Variants in FHDC1 observed in about 807,000 individuals in gnomAD.
FHDC1 encodes the protein FH2 domain containing 1, also known as FH2 domain-containing protein 1.
Under a neutral mutation model 52.6 loss-of-function variants are expected in FHDC1, and 25 were observed. The ratio of observed to expected loss-of-function variants is 0.48; its 90% confidence interval spans 0.35 to 0.66. The LOEUF is 0.66. Among genes scored for constraint, FHDC1 ranks in the 30% least tolerant of loss-of-function variants. The pLI is 0.01. For synonymous variants in FHDC1, 616 were observed against 581.5 expected (o/e 1.06, Z -0.85); for missense variants, 1,459 against 1,452.8 (o/e 1.00, Z -0.07).
At chr4:152,931,953 A>C (rs546335259), upstream of FHDC1, among the ~76,000 whole-genome samples, 310 of 117,980 alleles carry the variant, frequency 2.6e-3, 3 homozygotes, top group Non-Finnish European at 4.5e-3. Context: ...AAAAAAAAAA[A>C]AAAAAAAAAA....
intron 8 of FHDC1, among the ~76,000 whole-genome samples, chr4:152,963,645 G>A (rs944378071): frequency 1.3e-5 from 2 of 151,976 alleles, no homozygotes; most frequent in African/African-American, 4.8e-5. Context: ...TTTCTGATGT[G>A]GAATTGACTA....
intron 4 of FHDC1, among the ~76,000 whole-genome samples, chr4:152,958,445 C>T (rs1740176357): frequency 6.6e-6 from 1 of 152,140 alleles, no homozygotes; most frequent in South Asian, 2.1e-4. Flanking sequence ...GAACTGTATA[C>T]ATGGCATTTA....
At chr4:152,953,649 C>CCAG in intron 3 of FHDC1, 89 bp downstream of exon 3, 1 of 1,086,352 alleles carries the variant, frequency 9.2e-7, no homozygotes, top group Non-Finnish European at 1.4e-6. Context: ...AATTCAAATT[C>CCAG]CTCACACCTT....
chr4:152,947,502 A>T (rs747403624), intron 2 of FHDC1, among the ~76,000 whole-genome samples: 2 of 152,140 alleles, frequency 1.3e-5, no homozygotes, highest in Non-Finnish European at 2.9e-5. Context: ...GCCCCCTGGG[A>T]GCCTTCCACC....
At chr4:152,920,533 A>T in the FHDC1 span, among the ~76,000 whole-genome samples, 1 of 152,166 alleles carries the variant, frequency 6.6e-6, no homozygotes. Flanking sequence ...GATTTGTAAA[A>T]CAATTTAAAG....
At chr4:152,940,270 G>A (rs1739540194) in intron 1 of FHDC1, among the ~76,000 whole-genome samples, 1 of 152,204 alleles carries the variant, frequency 6.6e-6, no homozygotes, top group African/African-American at 2.4e-5. Flanking sequence ...AAGCCGTTGG[G>A]GGGCTAGGAT....
chr4:152,962,945 G>T lies in FHDC1; in HGVS notation c.921+61G>T, dbSNP rs72725633. 4,429 of 1,015,958 alleles carry T rather than the reference G, an allele frequency of 4.4e-3. 31 individuals are homozygous for T. The highest frequency in any genetic ancestry group is 6.0e-3 in the Non-Finnish European group (4,114 of 681,678). 62.9% of individuals were successfully genotyped at this position (1,015,958 alleles called of 1,614,324 possible). A position where few individuals can be genotyped will look rare whatever the true frequency, so the allele number is the denominator to read the frequency against. ...TTCAACCTTGTCTATCTAAAGGTGT[G>T]TGTGTGTGTGTGTGTGTGTGTGTGT... is the stretch of plus-strand genomic sequence containing the variant. On this transcript the variant is annotated intron_variant, in intron 7 of 11. Transcript: ENST00000511601.
At chr4:152,952,147 C>T (rs946173572) in intron 2 of FHDC1, among the ~76,000 whole-genome samples, 3 of 152,166 alleles carry the variant, frequency 2.0e-5, no homozygotes, top group African/African-American at 7.2e-5. Context: ...CTTACACCCT[C>T]CTAAAAGGTC....
upstream of FHDC1, among the ~76,000 whole-genome samples, chr4:152,933,358 C>G (rs1347693949): frequency 6.6e-6 from 1 of 152,168 alleles, no homozygotes; most frequent in African/African-American, 2.4e-5. Flanking sequence ...TCCAATCCAT[C>G]AAGATATGAA....
At chr4:152,949,446 C>T (rs753142899) in intron 2 of FHDC1, among the ~76,000 whole-genome samples, 30 of 152,104 alleles carry the variant, frequency 2.0e-4, no homozygotes, top group Non-Finnish European at 3.8e-4. Flanking sequence ...CACCACCGCA[C>T]TCCAGCCTAG....
In FHDC1 at chr4:152,972,983, C is replaced by A. The variant is rs561570733; in HGVS notation, c.1383+442C>A. On this transcript the variant is annotated intron_variant, in intron 11 of 11. Transcript: ENST00000511601. ...GGCCCTCCCTTTCCCTTCTTCCAAGCTCTGCTGCCGTCACTGTGGGATTGG... is the reference window on the plus strand; with the variant it reads ...GGCCCTCCCTTTCCCTTCTTCCAAGATCTGCTGCCGTCACTGTGGGATTGG... Among the ~76,000 whole-genome samples, 1,086 of 152,296 alleles carry A rather than the reference C, an allele frequency of 7.1e-3. 7 individuals carry two copies. The highest frequency in any genetic ancestry group is 0.011 in the Non-Finnish European group (755 of 68,016).
rs780592498 is a variant in FHDC1 at position 152,943,569 on chromosome 4, G to A, written c.498+14G>A. The A allele has an allele frequency of 1.9e-6, 3 of 1,602,942 alleles. No homozygotes were observed. The highest frequency in any genetic ancestry group is 1.3e-5 in the African/African-American group (1 of 74,496). ...GCTCGAGAAGAGGTAAGAATGCAAGGTGGAGGGCTAATCCTCCACACACTG... is the reference window on the plus strand; with the variant it reads ...GCTCGAGAAGAGGTAAGAATGCAAGATGGAGGGCTAATCCTCCACACACTG... On this transcript the variant is annotated intron_variant, in intron 2 of 11. Transcript: ENST00000511601.
At chr4:152,928,846 A>G in the FHDC1 span, among the ~76,000 whole-genome samples, 5 of 151,734 alleles carry the variant, frequency 3.3e-5, no homozygotes, top group Non-Finnish European at 5.9e-5. Flanking sequence ...TCCCCTCTCT[A>G]TCCAACCCCA....
chr4:152,977,977 A>G lies in FHDC1; in HGVS notation c.*1254A>G. 1 of 152,294 alleles carries G rather than the reference A, an allele frequency of 6.6e-6. No individual in the cohort carries two copies. 9.4% of individuals were successfully genotyped at this position (152,294 alleles called of 1,614,324 possible). ...ACAGGAGGGAAAGTTGGACTCAGACAGAAATCAGATGCTTCCATGTATTCA... is the reference window on the plus strand; with the variant it reads ...ACAGGAGGGAAAGTTGGACTCAGACGGAAATCAGATGCTTCCATGTATTCA... On this transcript the variant is annotated 3_prime_UTR_variant, in exon 12 of 12. Transcript: ENST00000511601.
intron 2 of FHDC1, among the ~76,000 whole-genome samples, chr4:152,945,211 A>C (rs1739693047): frequency 6.6e-6 from 1 of 152,066 alleles, no homozygotes; most frequent in African/African-American, 2.4e-5. Flanking sequence ...AGAGAGAGGA[A>C]AGTGGCAGGG....
rs1329699384 is a variant in FHDC1, at chr4:152,958,109, G to A, written c.664-2456G>A. Among the ~76,000 whole-genome samples, 3 of 152,114 alleles carry A rather than the reference G, an allele frequency of 2.0e-5. No individual in the cohort carries two copies. The East Asian group carries it at 5.8e-4, about 29-fold the overall frequency. On this transcript the variant is annotated intron_variant, in intron 4 of 11. Coordinates refer to ENST00000511601, the MANE Select transcript of FHDC1 (RefSeq NM_001371116.1). ...AAGCCCATGGGTCTTCTGTTGGGTG[G>A]GTGTGTTTGTGGGAAATCCTGCCAT...
chr4:152,924,410 T>C, the FHDC1 span, among the ~76,000 whole-genome samples: 1 of 152,168 alleles, frequency 6.6e-6, no homozygotes, highest in East Asian at 1.9e-4. Context: ...ACACTGTTGG[T>C]GGGACTGTAA....
At position 152,975,103 on chromosome 4, in the gene FHDC1, C is replaced by G; in HGVS notation, c.1812C>G (p.Ala604=). 6.2e-7 allele frequency: 1 copy of G among 1,612,692 alleles called. No individual in the cohort carries two copies. Residue 604 remains alanine, a synonymous_variant, in exon 12 of 12, where the codon GCC becomes GCG. Transcript: ENST00000511601. The stretch of plus-strand genomic sequence containing the variant: ...CCAGCTTTGCACACAAACCTCAGGC[C>G]TCGGGGGGCCAGGAGGAGGCCCCCA... ...QDSSFAHKPQ[A]SGGQEEAPNP...
At chr4:152,957,640 TA>T (rs1377390492) in intron 4 of FHDC1, among the ~76,000 whole-genome samples, 1 of 152,218 alleles carries the variant, frequency 6.6e-6, no homozygotes, top group Non-Finnish European at 1.5e-5. Context: ...CTGGTGTGAA[TA>T]AGTGTCACTT....
Sources: gnomAD v4.1 joint callset for allele counts (sites outside exome capture counted in the v4.1 genomes callset) on GRCh38, gnomAD v4.1.1 for gene constraint, MANE v1.5 for transcripts, NCBI Gene and HGNC (gene_info 2026-07-23, HGNC 2026-07-21) for gene names.